Variants in ADAMTS2 observed in about 807,000 individuals in gnomAD.
The protein encoded by ADAMTS2 is ADAM metallopeptidase with thrombospondin type 1 motif 2, also known as A disintegrin and metalloproteinase with thrombospondin motifs 2.
In ADAMTS2, 50 loss-of-function variants were observed where a neutral mutation model predicts 123.0. The observed-to-expected ratio is 0.41, with a 90% CI of 0.32 to 0.51. The LOEUF (loss-of-function observed/expected upper bound fraction) is 0.51. Ranked by LOEUF, ADAMTS2 falls within the 20% of genes least tolerant of loss-of-function variation. The pLI is 0.35. For missense variants in ADAMTS2, 1,494 were observed against 1,705.2 expected (o/e 0.88, Z 2.18); for synonymous variants, 678 against 695.4 (o/e 0.98, Z 0.39).
chr5:179,239,145 T>G (rs1401059053), intron 3 of ADAMTS2, among the ~76,000 whole-genome samples: 2 of 152,132 alleles, frequency 1.3e-5, no homozygotes, highest in African/African-American at 4.8e-5. Context: ...GCTGCTGTGT[T>G]GAGGACACAT....
intron 11 of ADAMTS2, 24 bp from the exon 12 acceptor site, chr5:179,137,968 G>T: frequency 6.5e-7 from 1 of 1,540,186 alleles, no homozygotes. Flanking sequence ...CAAAGGCCTT[G>T]CCGCTCCGTG....
intron 3 of ADAMTS2, among the ~76,000 whole-genome samples, chr5:179,267,591 C>T (rs1766408985): frequency 6.6e-6 from 1 of 152,200 alleles, no homozygotes; most frequent in Non-Finnish European, 1.5e-5. Flanking sequence ...CAGGCCGGGG[C>T]GAGCCCCAGG....
At chr5:179,247,617 T>A (rs914889614) in intron 3 of ADAMTS2, among the ~76,000 whole-genome samples, 9 of 152,264 alleles carry the variant, frequency 5.9e-5, no homozygotes, top group African/African-American at 2.2e-4. Context: ...AAGAGAGTCT[T>A]GAAATCCACG....
intron 4 of ADAMTS2, among the ~76,000 whole-genome samples, chr5:179,187,503 G>T (rs1056767098): frequency 8.5e-5 from 13 of 152,236 alleles, no homozygotes; most frequent in African/African-American, 3.1e-4. Context: ...TCACTTTGAA[G>T]ATATGGAATA....
Position 179,122,715 on chromosome 5 carries a change from T to C in ADAMTS2, c.3017A>G (p.Asp1006Gly). The change falls in exon 20 of 22, where the codon GAC becomes GGC. Residue 1006 changes from aspartate to glycine, a missense_variant. This residue lies in a region of ADAMTS2 where 953 missense variants were observed against 1,124.7 expected (regional missense o/e 0.85). Coordinates refer to ENST00000251582, the MANE Select transcript of ADAMTS2 (RefSeq NM_014244.5). ...CTCCTGGCAGATGCCGAAGCTGTCG[T>C]CCGCGGTGCGGCAGAGCACTGGCCG... ...QERPVLCRTA[D>G]DSFGICQEER... 1 of 1,552,224 alleles carries C rather than the reference T, an allele frequency of 6.4e-7. No homozygotes were observed. The highest frequency in any genetic ancestry group is 8.7e-7 in the Non-Finnish European group (1 of 1,147,958).
rs889278918 is a variant in ADAMTS2, at chr5:179,180,976, C to A, written c.975+96G>T. The stretch of plus-strand genomic sequence containing the variant: ...CCAGGGAGAGGCAGGGTGGTTCTGG[C>A]AAACGCACACACTCTCCAAGGAGGC... On this transcript the variant is annotated intron_variant, in intron 5 of 21. Transcript: ENST00000251582. The surrounding 1 kb of genome is among the most constrained non-coding windows in gnomAD (Gnocchi z 4.6). 2.0e-5 allele frequency: 19 copies of A among 963,776 alleles called. 1 individual carries two copies. The highest frequency in any genetic ancestry group is 3.1e-5 in the Non-Finnish European group (19 of 604,776). The allele number at this position is 963,776 out of a possible 1,614,324, so 59.7% of individuals were successfully genotyped here.
intron 17 of ADAMTS2, among the ~76,000 whole-genome samples, 179 bp downstream of exon 17, chr5:179,127,780 C>T (rs990350223): frequency 6.6e-6 from 1 of 152,020 alleles, no homozygotes; most frequent in African/African-American, 2.4e-5. Context: ...TGCCCCAGCA[C>T]CCCCCTTCCT....
chr5:179,196,894 T>C (rs1171812461), intron 4 of ADAMTS2, among the ~76,000 whole-genome samples: 5 of 152,240 alleles, frequency 3.3e-5, no homozygotes, highest in African/African-American at 1.2e-4. Context: ...TGTGTTCCAA[T>C]AAAACTTTAT....
chr5:179,269,682 G>A (rs533837655), intron 3 of ADAMTS2, among the ~76,000 whole-genome samples: 28 of 152,242 alleles, frequency 1.8e-4, no homozygotes, highest in Non-Finnish European at 3.4e-4. Context: ...TTCAAGCTCC[G>A]TGAGGACTCC....
rs757338401 is a variant in ADAMTS2, at chr5:179,303,894, C to T, written c.535-30830G>A. Among the ~76,000 whole-genome samples the T allele has an allele frequency of 3.9e-5, 6 of 152,218 alleles. No homozygotes were observed. Among genetic ancestry groups the T allele is most frequent in the Non-Finnish European group, 8.8e-5 (6 of 68,038 alleles). ...AGATTTAACAAGGAGCCGCAGGAAA[C>T]TGGACAGGGCTAGGAAGATGGCAGA... On this transcript the variant is annotated intron_variant, in intron 2 of 21. Transcript: ENST00000251582. This position sits in a 1 kb window ranked among gnomAD's most constrained non-coding sequence, Gnocchi z 4.7.
intron 3 of ADAMTS2, among the ~76,000 whole-genome samples, chr5:179,271,315 C>T (rs1437769809): frequency 6.6e-6 from 1 of 152,180 alleles, no homozygotes; most frequent in Non-Finnish European, 1.5e-5. Flanking sequence ...ACGTGGCCAG[C>T]TCACCTCGCC....
intron 3 of ADAMTS2, among the ~76,000 whole-genome samples, chr5:179,216,962 G>A (rs576388666): frequency 9.2e-5 from 14 of 152,344 alleles, no homozygotes; most frequent in East Asian, 1.9e-4. Context: ...GATGTCTATC[G>A]GATAGCCCAG....
chr5:179,257,739 C>T (rs1766102005), intron 3 of ADAMTS2, among the ~76,000 whole-genome samples: 2 of 152,186 alleles, frequency 1.3e-5, no homozygotes, highest in African/African-American at 4.8e-5. Context: ...GCAGCCCTGG[C>T]CACATCCAAG....
At chr5:179,201,503 T>A (rs1764562760) in intron 4 of ADAMTS2, among the ~76,000 whole-genome samples, 2 of 151,826 alleles carry the variant, frequency 1.3e-5, no homozygotes, top group Non-Finnish European at 1.5e-5. Context: ...GCAAAAAAAA[T>A]GTCCCGGCAC....
chr5:179,325,311 G>T (rs72648841), intron 2 of ADAMTS2, among the ~76,000 whole-genome samples: 25,093 of 152,154 alleles, frequency 0.16, 2,896 homozygotes, highest in East Asian at 0.47. Context: ...GAGCATTTCG[G>T]GTGGGGCACG....
rs1762567370 is a variant in ADAMTS2 at position 179,111,509 on chromosome 5, G to A, written c.*2358C>T. ...TCTTGATATATGGCTCAAGGATTGA[G>A]GATGGCACAGAGGGTCATGGCTGTC... On this transcript the variant is annotated 3_prime_UTR_variant, in exon 22 of 22. Coordinates refer to ENST00000251582, the MANE Select transcript of ADAMTS2 (RefSeq NM_014244.5). 6.6e-6 allele frequency: 1 copy of A among 152,274 alleles called. No individual in the cohort carries two copies. Among genetic ancestry groups the A allele is most frequent in the Admixed American group, 6.5e-5 (1 of 15,286 alleles). 9.4% of individuals were successfully genotyped at this position (152,274 alleles called of 1,614,324 possible).
In ADAMTS2 at chr5:179,306,480, C is replaced by CA. The variant is rs1181891977; in HGVS notation, c.535-33417dup. Among the ~76,000 whole-genome samples the CA allele has an allele frequency of 2.0e-5, 3 of 152,144 alleles. 1 individual carries two copies. The highest frequency in any genetic ancestry group is 2.0e-4 in the Admixed American group (3 of 15,272). On this transcript the variant is annotated intron_variant, in intron 2 of 21. Transcript: ENST00000251582. ...GTGCTCAACCTGGTAAGAATATCTA[C>CA]AAAAAAACTAAAGCTAACACAATAC...
Position 179,303,403 on chromosome 5 carries a change from C to T in ADAMTS2, c.535-30339G>A, listed in dbSNP as rs1489338294. On this transcript the variant is annotated intron_variant, in intron 2 of 21. Coordinates refer to ENST00000251582, the MANE Select transcript of ADAMTS2 (RefSeq NM_014244.5). This position sits in a 1 kb window ranked among gnomAD's most constrained non-coding sequence, Gnocchi z 4.7. ...CATGAGCAGCTAGCTGAGGACCCTGCAAAATAAATAACAGCATGCAGATTG... is the reference window on the plus strand; with the variant it reads ...CATGAGCAGCTAGCTGAGGACCCTGTAAAATAAATAACAGCATGCAGATTG... Among the ~76,000 whole-genome samples, 3 of 152,126 alleles carry T rather than the reference C, an allele frequency of 2.0e-5. No individual in the cohort carries two copies. The highest frequency in any genetic ancestry group is 6.5e-5 in the Admixed American group (1 of 15,274).
intron 2 of ADAMTS2, among the ~76,000 whole-genome samples, chr5:179,287,916 G>A (rs969131065): frequency 5.9e-5 from 9 of 152,212 alleles, no homozygotes; most frequent in Non-Finnish European, 1.0e-4. Flanking sequence ...CCCGCCCAAC[G>A]CCAGTCCCCC....
Sources: gnomAD v4.1 joint callset for allele counts (sites outside exome capture counted in the v4.1 genomes callset) on GRCh38, gnomAD v4.1.1 for gene constraint, gnomAD v4.1.1 regional missense constraint, Gnocchi (gnomAD v3.1) non-coding constraint, MANE v1.5 for transcripts, NCBI Gene and HGNC (gene_info 2026-07-23, HGNC 2026-07-21) for gene names.